The following OPCML variants were observed in gnomAD, a reference collection of about 807,000 sequenced individuals.
The protein encoded by OPCML is opioid binding protein/cell adhesion molecule like, also known as opioid-binding protein/cell adhesion molecule.
In OPCML, 13 loss-of-function variants were observed where a neutral mutation model predicts 37.8. The observed-to-expected ratio is 0.34, with a 90% CI of 0.22 to 0.55. The LOEUF (loss-of-function observed/expected upper bound fraction) is 0.55, where lower values mean the gene tolerates loss of function less well. Ranked by LOEUF, OPCML falls within the 20% of genes least tolerant of loss-of-function variation. The probability of loss-of-function intolerance (pLI) is 0.91; values close to 1 mark genes in which losing one functional copy is unlikely to be tolerated. For missense variants in OPCML, 341 were observed against 435.6 expected (o/e 0.78, Z 1.93); for synonymous variants, 176 against 168.8 (o/e 1.04, Z -0.33).
At chr11:132,861,918 T>C (rs1295832642) in intron 2 of OPCML, among the ~76,000 whole-genome samples, 1 of 152,150 alleles carries the variant, frequency 6.6e-6, no homozygotes, top group African/African-American at 2.4e-5. Context: ...TGAAAATAAG[T>C]TTACTCCTAC....
chr11:132,734,798 T>G (rs1365872773), intron 2 of OPCML, among the ~76,000 whole-genome samples: 1 of 152,140 alleles, frequency 6.6e-6, no homozygotes, highest in Non-Finnish European at 1.5e-5. Flanking sequence ...CTACAGGATA[T>G]TGATGAATGT....
At chr11:133,089,094 T>C (rs985607309) in intron 1 of OPCML, among the ~76,000 whole-genome samples, 2 of 152,212 alleles carry the variant, frequency 1.3e-5, no homozygotes, top group African/African-American at 2.4e-5. Flanking sequence ...TCTAAGCCAA[T>C]TAAATTTTGA....
chr11:132,811,965 G>T (rs955481734), intron 2 of OPCML, among the ~76,000 whole-genome samples: 4 of 152,140 alleles, frequency 2.6e-5, no homozygotes, highest in Non-Finnish European at 4.4e-5. Context: ...ACAGTGATGT[G>T]GTCATCTCTT....
In OPCML at chr11:133,217,225, G is replaced by A. The variant is rs143944667; in HGVS notation, c.62-274215C>T. 6.9e-4 allele frequency among the ~76,000 whole-genome samples: 105 copies of A among 152,252 alleles called. No individual in the cohort carries two copies. In the East Asian group the frequency reaches 0.016, roughly 23 times the overall value. ...CTTCAGAAGCCTCTCTTGGTCAGAC[G>A]TTTCTAGCTCCCTGGTCTGATGCTC... On this transcript the variant is annotated intron_variant, in intron 1 of 7. Transcript: ENST00000524381.
intron 1 of OPCML, among the ~76,000 whole-genome samples, chr11:133,136,902 A>T (rs1390828406): frequency 7.0e-6 from 1 of 142,430 alleles, no homozygotes; most frequent in African/African-American, 2.6e-5. Flanking sequence ...AATGTGTTTC[A>T]TGGGGGTATT....
intron 4 of OPCML, among the ~76,000 whole-genome samples, chr11:132,462,627 A>G (rs1489039807): frequency 6.6e-6 from 1 of 152,224 alleles, no homozygotes; most frequent in Non-Finnish European, 1.5e-5. Context: ...CCTCTGCCAT[A>G]AGACATACAG....
chr11:132,475,209 A>G (rs1175522739), intron 4 of OPCML, among the ~76,000 whole-genome samples: 4 of 152,186 alleles, frequency 2.6e-5, no homozygotes, highest in Non-Finnish European at 4.4e-5. Flanking sequence ...GGGCTGGCCT[A>G]AATCTCCAGT....
chr11:133,088,168 G>A (rs996877972), intron 1 of OPCML, among the ~76,000 whole-genome samples: 2 of 152,282 alleles, frequency 1.3e-5, no homozygotes, highest in East Asian at 3.9e-4. Flanking sequence ...ATTACTTACT[G>A]TAGGCAGGTA....
At chr11:133,263,866 T>C (rs1592150420) in intron 1 of OPCML, among the ~76,000 whole-genome samples, 1 of 152,236 alleles carries the variant, frequency 6.6e-6, no homozygotes, top group African/African-American at 2.4e-5. Flanking sequence ...CTTGCTACTT[T>C]CCAAGCTAAA....
chr11:132,930,781 A>G (rs756262250), intron 2 of OPCML, among the ~76,000 whole-genome samples: 12 of 152,218 alleles, frequency 7.9e-5, no homozygotes, highest in Non-Finnish European at 1.5e-4. Flanking sequence ...ATCCAAAGCA[A>G]TCTACCCATG....
chr11:132,727,696 C>T (rs1009360490), intron 2 of OPCML, among the ~76,000 whole-genome samples: 1 of 152,206 alleles, frequency 6.6e-6, no homozygotes, highest in Non-Finnish European at 1.5e-5. Flanking sequence ...TTTAAAACCT[C>T]CCAGGGGCTG....
chr11:133,410,606 G>C (rs1190785479), intron 1 of OPCML, among the ~76,000 whole-genome samples: 1 of 89,928 alleles, frequency 1.1e-5, no homozygotes, highest in Non-Finnish European at 2.0e-5. Context: ...TTTTTTCTTT[G>C]AGTGAAAGCA....
chr11:132,628,863 T>G (rs1939908329), intron 3 of OPCML, among the ~76,000 whole-genome samples: 1 of 152,198 alleles, frequency 6.6e-6, no homozygotes, highest in South Asian at 2.1e-4. Context: ...CACTTCTTGC[T>G]GCTGCCATGT....
chr11:132,422,880 T>C (rs1161208145), intron 7 of OPCML, among the ~76,000 whole-genome samples: 1 of 152,170 alleles, frequency 6.6e-6, no homozygotes, highest in Non-Finnish European at 1.5e-5. Context: ...AGAGAAACAA[T>C]GGACTGGGAA....
rs894789639 is a variant in OPCML, at chr11:132,915,921, C to A, written c.146+27005G>T. On this transcript the variant is annotated intron_variant, in intron 2 of 7. Coordinates refer to ENST00000524381, the MANE Select transcript of OPCML (RefSeq NM_001012393.5). ...CCCAGTCTACTGCTTATCTTTTCTA[C>A]AGAGATCTTTCATATTTAATTAGGC... Among the ~76,000 whole-genome samples, 6 of 152,180 alleles carry A rather than the reference C, an allele frequency of 3.9e-5. No individual in the cohort carries two copies. In the East Asian group the frequency reaches 1.2e-3, roughly 29 times the overall value.
At chr11:132,529,363 G>A (rs1295403423) in intron 3 of OPCML, 177 bp from the exon 4 acceptor site, 1 of 287,298 alleles carries the variant, frequency 3.5e-6, no homozygotes, top group Non-Finnish European at 5.2e-6. Context: ...TTGTATTTAT[G>A]GTAGAAGGAG....
intron 4 of OPCML, among the ~76,000 whole-genome samples, chr11:132,498,531 C>CT (rs2137109513): frequency 6.6e-6 from 1 of 152,316 alleles, no homozygotes; most frequent in South Asian, 2.1e-4. Flanking sequence ...GAGAGACTGT[C>CT]TAAAACCAAT....
At chr11:133,082,960 A>C (rs1948758677) in intron 1 of OPCML, among the ~76,000 whole-genome samples, 1 of 150,694 alleles carries the variant, frequency 6.6e-6, no homozygotes, top group Non-Finnish European at 1.5e-5. Flanking sequence ...CCTCGCCGGG[A>C]CCGCACCTCG....
chr11:132,851,034 C>T (rs935445854), intron 2 of OPCML, among the ~76,000 whole-genome samples: 7 of 152,178 alleles, frequency 4.6e-5, no homozygotes, highest in African/African-American at 7.2e-5. Flanking sequence ...AGGAAAATTA[C>T]GTCTTTATTC....
Sources: allele counts gnomAD v4.1 joint callset (sites outside exome capture counted in the v4.1 genomes callset), GRCh38; gene constraint gnomAD v4.1.1; transcripts MANE v1.5; gene names NCBI Gene and HGNC (gene_info 2026-07-23, HGNC 2026-07-21).